ABCA13: variants seen among roughly 807,000 people sequenced by gnomAD.
ABCA13 encodes the protein ATP binding cassette subfamily A member 13.
A neutral mutation model predicts 478.7 loss-of-function variants in ABCA13; 476 were observed. The ratio of observed to expected loss-of-function variants is 0.99; its 90% confidence interval spans 0.92 to 1.07. ABCA13 has a LOEUF of 1.07. ABCA13 is among the 50% of genes least tolerant of loss of function. ABCA13 has a pLI of 0.00. For missense variants in ABCA13, 6,060 were observed against 5,910.6 expected, an observed-to-expected ratio of 1.03 and a Z score of -0.83; for synonymous variants, 2,252 against 2,158.9, an observed-to-expected ratio of 1.04 and a Z score of -1.20.
chr7:48,280,778 T>G (rs1486737217), intron 18 of ABCA13, among the ~76,000 whole-genome samples: 2 of 152,226 alleles, frequency 1.3e-5, no homozygotes, highest in Non-Finnish European at 2.9e-5. Context: ...ATGTCTTTAG[T>G]TGGTGAAACA....
intron 48 of ABCA13, among the ~76,000 whole-genome samples, chr7:48,503,266 G>A (rs1313215781): frequency 6.6e-6 from 1 of 152,056 alleles, no homozygotes; most frequent in Non-Finnish European, 1.5e-5. Flanking sequence ...AAAACAATTT[G>A]TTTGGTAGAA....
chr7:48,416,198 A>G (rs546643867), intron 41 of ABCA13, among the ~76,000 whole-genome samples: 2 of 152,266 alleles, frequency 1.3e-5, no homozygotes, highest in Admixed American at 6.5e-5. Context: ...CAATGTAAAA[A>G]TCTACTTAGA....
In ABCA13 at chr7:48,455,071, C is replaced by G; in HGVS notation, c.12600C>G (p.Gly4200=). 1 of 1,541,624 alleles carries G rather than the reference C, an allele frequency of 6.5e-7. No homozygotes were observed. Among genetic ancestry groups the G allele is most frequent in the Non-Finnish European group, 8.7e-7 (1 of 1,145,134 alleles). ...GSLARPATVQ[G]VQLLRAQVAA... The stretch of plus-strand genomic sequence containing the variant: ...TAGCACGGCCCGCAACTGTGCAGGG[C>G]GTCCAGCTGCTCCGCGCACAAGTGG... Residue 4200 remains glycine, a synonymous_variant, in exon 43 of 62, where the codon GGC becomes GGG. Coordinates refer to ENST00000435803, the MANE Select transcript of ABCA13 (RefSeq NM_152701.5).
intron 26 of ABCA13, among the ~76,000 whole-genome samples, chr7:48,316,662 G>A (rs1802631095): frequency 1.3e-5 from 2 of 152,190 alleles, no homozygotes; most frequent in Admixed American, 6.5e-5. Context: ...TCACAGTTCT[G>A]CAGACTATAC....
At chr7:48,260,553 T>C (rs972487569) in intron 15 of ABCA13, among the ~76,000 whole-genome samples, 1 of 152,070 alleles carries the variant, frequency 6.6e-6, no homozygotes, top group Non-Finnish European at 1.5e-5. Context: ...CAGGATCACA[T>C]ATTCTTTCTT....
chr7:48,362,074 T>C (rs1353246399), intron 31 of ABCA13, among the ~76,000 whole-genome samples: 1 of 151,996 alleles, frequency 6.6e-6, no homozygotes, highest in African/African-American at 2.4e-5. Context: ...CTTTTGTGAA[T>C]GATTTGTAGA....
intron 39 of ABCA13, among the ~76,000 whole-genome samples, chr7:48,409,928 A>C (rs1202267342): frequency 8.3e-6 from 1 of 120,228 alleles, no homozygotes; most frequent in East Asian, 2.9e-4. Flanking sequence ...AAAAATACCA[A>C]AAAAAAAAAA....
chr7:48,571,904 G>A (rs923675398), intron 55 of ABCA13, among the ~76,000 whole-genome samples: 2 of 152,198 alleles, frequency 1.3e-5, no homozygotes, highest in African/African-American at 4.8e-5. Flanking sequence ...TAGGCTGGGT[G>A]CAGTGGCTCA....
intron 38 of ABCA13, among the ~76,000 whole-genome samples, chr7:48,396,378 G>A (rs542166175): frequency 9.9e-5 from 15 of 152,278 alleles, no homozygotes; most frequent in East Asian, 1.9e-4. Context: ...TGTGCCAGCC[G>A]CTATGGTGGA....
At chr7:48,605,500 G>A (rs1791376513) in intron 58 of ABCA13, among the ~76,000 whole-genome samples, 1 of 152,152 alleles carries the variant, frequency 6.6e-6, no homozygotes, top group African/African-American at 2.4e-5. Flanking sequence ...TGAAATTCTA[G>A]GTTGAAAATT....
intron 3 of ABCA13, among the ~76,000 whole-genome samples, chr7:48,206,015 G>A (rs1018978869): frequency 3.3e-5 from 5 of 152,018 alleles, no homozygotes; most frequent in Admixed American, 6.5e-5. Flanking sequence ...CTCTATCCCA[G>A]CCCAACCTAC....
intron 39 of ABCA13, among the ~76,000 whole-genome samples, chr7:48,410,093 CAAAA>C (rs58724216): frequency 1.5e-5 from 1 of 67,166 alleles, no homozygotes; most frequent in South Asian, 5.9e-4. Flanking sequence ...GACTCCATCT[CAAAA>C]AAAAAAAAAA....
chr7:48,541,305 T>G (rs999801904), intron 55 of ABCA13, among the ~76,000 whole-genome samples: 2 of 152,180 alleles, frequency 1.3e-5, no homozygotes, highest in African/African-American at 4.8e-5. Context: ...CCACCATTGC[T>G]TGTTGCCTTA....
chr7:48,547,674 G>T (rs968150109), intron 55 of ABCA13, among the ~76,000 whole-genome samples: 1 of 151,842 alleles, frequency 6.6e-6, no homozygotes, highest in South Asian at 2.1e-4. Context: ...ACATTTCAGT[G>T]AGTACCATAC....
rs752982701 is a variant in ABCA13, at chr7:48,239,337, C to T, written c.994C>T (p.His332Tyr). 6 of 1,613,962 alleles carry T rather than the reference C, an allele frequency of 3.7e-6. No individual in the cohort carries two copies. In the South Asian group the frequency reaches 5.5e-5, roughly 15 times the overall value. The change falls in exon 9 of 62, where the codon CAC (histidine) becomes TAC (tyrosine). Residue 332 changes from histidine (H) to tyrosine (Y), a missense_variant. Physicochemically the swap from His to Tyr is moderately conservative, Grantham distance 83 (BLOSUM62 2). This residue lies in a region of ABCA13 where 4,423 missense variants were observed against 4,309.1 expected (regional missense o/e 1.03). Coordinates refer to ENST00000435803, the MANE Select transcript of ABCA13 (RefSeq NM_152701.5). ...AEKWGHVGGC[H>Y]PKWSEAKNYL... Reference sequence around the variant, plus strand: ...GAAATGGGGCCACGTTGGAGGCTGCCACCCTAAGTGGTCAGAAGCCAAAAA... The same window carrying T: ...GAAATGGGGCCACGTTGGAGGCTGCTACCCTAAGTGGTCAGAAGCCAAAAA...
intron 20 of ABCA13, among the ~76,000 whole-genome samples, chr7:48,294,698 G>A (rs1292459828): frequency 2.0e-5 from 3 of 151,048 alleles, no homozygotes; most frequent in Non-Finnish European, 2.9e-5. Context: ...CACCCGCCTC[G>A]GCCTCCCAAA....
At chr7:48,576,292 C>T (rs1027085630) in intron 55 of ABCA13, among the ~76,000 whole-genome samples, 4 of 152,092 alleles carry the variant, frequency 2.6e-5, no homozygotes, top group Admixed American at 2.6e-4. Context: ...AGGCCAGGAT[C>T]AGTAGGAACA....
chr7:48,364,651 T>C (rs940920759), intron 31 of ABCA13, among the ~76,000 whole-genome samples: 1 of 152,178 alleles, frequency 6.6e-6, no homozygotes, highest in Non-Finnish European at 1.5e-5. Flanking sequence ...ACGTATGAGT[T>C]AGAACATATA....
intron 57 of ABCA13, among the ~76,000 whole-genome samples, chr7:48,591,854 A>C (rs1789779261): frequency 6.6e-6 from 1 of 151,892 alleles, no homozygotes. Context: ...TATTAATTCT[A>C]ATGGATTCTT....
Sources: gnomAD v4.1 joint callset for allele counts (sites outside exome capture counted in the v4.1 genomes callset) on GRCh38, gnomAD v4.1.1 for gene constraint, gnomAD v4.1.1 regional missense constraint, MANE v1.5 for transcripts, NCBI Gene and HGNC (gene_info 2026-07-23, HGNC 2026-07-21) for gene names.